The following EPB41 variants were observed in gnomAD, a reference collection of about 807,000 sequenced individuals.
EPB41 encodes erythrocyte membrane protein band 4.1.
EPB41 carries 65 observed loss-of-function variants against 108.0 expected under a neutral mutation model. That is an observed-to-expected ratio of 0.60 (90% CI 0.49 to 0.74). EPB41 has a LOEUF of 0.74. EPB41 is among the 30% of genes least tolerant of loss of function. EPB41 has a pLI of 0.00. For synonymous variants in EPB41, 336 were observed against 358.9 expected, an observed-to-expected ratio of 0.94 and a Z score of 0.72; for missense variants, 875 against 1,037.0, an observed-to-expected ratio of 0.84 and a Z score of 2.15.
intron 2 of EPB41, among the ~76,000 whole-genome samples, chr1:28,992,643 C>T (rs1027761142): frequency 1.3e-5 from 2 of 152,234 alleles, no homozygotes; most frequent in East Asian, 3.9e-4. Context: ...AAGCCGAGAT[C>T]GCGCCACTGC....
intron 9 of EPB41, among the ~76,000 whole-genome samples, chr1:29,035,216 C>T (rs559581347): frequency 6.6e-6 from 1 of 152,090 alleles, no homozygotes; most frequent in African/African-American, 2.4e-5. Context: ...AACTCCTGAC[C>T]TTGTGATCTG....
chr1:29,067,415 A>C (rs866254938), intron 16 of EPB41, among the ~76,000 whole-genome samples: 2 of 143,908 alleles, frequency 1.4e-5, no homozygotes, highest in African/African-American at 5.1e-5. Context: ...AGAATGGCGT[A>C]AACCTGGGAG....
At chr1:28,912,318 C>T (rs894918620), upstream of EPB41, among the ~76,000 whole-genome samples, 5 of 152,024 alleles carry the variant, frequency 3.3e-5, no homozygotes, top group Non-Finnish European at 7.4e-5. Context: ...AGGGTAAGTG[C>T]TATGAAGCAA....
At chr1:28,987,959 A>G in intron 2 of EPB41, 54 bp downstream of exon 2, 1 of 1,577,492 alleles carries the variant, frequency 6.3e-7, no homozygotes, top group Non-Finnish European at 8.7e-7. Context: ...TATACACTTT[A>G]TTTTTCATTT....
intron 15 of EPB41, among the ~76,000 whole-genome samples, chr1:29,063,417 C>T (rs1646863344): frequency 6.6e-6 from 1 of 152,162 alleles, no homozygotes; most frequent in South Asian, 2.1e-4. Flanking sequence ...ATACATGGTT[C>T]AGTCTTGCAA....
At chr1:28,926,658 T>C (rs1310734015) in intron 1 of EPB41, among the ~76,000 whole-genome samples, 1 of 152,218 alleles carries the variant, frequency 6.6e-6, no homozygotes, top group African/African-American at 2.4e-5. Context: ...TTGCAGATAA[T>C]CTATAGAATA....
intron 1 of EPB41, among the ~76,000 whole-genome samples, chr1:28,936,248 A>G (rs1389191566): frequency 2.0e-5 from 3 of 152,148 alleles, no homozygotes; most frequent in Non-Finnish European, 1.5e-5. Flanking sequence ...CATTTGGCCT[A>G]TTTCTTCAGT....
chr1:28,903,878 G>GT (rs2091534312), intron 1 of EPB41, among the ~76,000 whole-genome samples: 1 of 151,262 alleles, frequency 6.6e-6, no homozygotes, highest in Non-Finnish European at 1.5e-5. Flanking sequence ...TTGTTTGTTT[G>GT]TTTTTTGAGA....
chr1:28,979,107 T>C (rs1428870256), intron 1 of EPB41, among the ~76,000 whole-genome samples: 7 of 151,518 alleles, frequency 4.6e-5, no homozygotes, highest in Non-Finnish European at 1.0e-4. Flanking sequence ...TTCCTTTTAC[T>C]TGCAACACAA....
intron 14 of EPB41, 88 bp downstream of exon 14, chr1:29,058,940 T>C: frequency 8.5e-7 from 1 of 1,181,600 alleles, no homozygotes. Context: ...ATCCATTCTT[T>C]TCATTGATTT....
chr1:28,919,643 C>T (rs564663422), intron 1 of EPB41, among the ~76,000 whole-genome samples: 9 of 151,888 alleles, frequency 5.9e-5, no homozygotes, highest in African/African-American at 1.9e-4. Flanking sequence ...TTGGTAGAAA[C>T]GGGGTTTCAC....
chr1:28,919,556 C>G (rs897261218), intron 1 of EPB41, among the ~76,000 whole-genome samples: 1 of 151,928 alleles, frequency 6.6e-6, no homozygotes, highest in East Asian at 1.9e-4. Flanking sequence ...CTCTGCCTCC[C>G]GGGTTCAAGC....
chr1:28,987,337 A>G, intron 1 of EPB41, 94 bp from the exon 2 acceptor site: 1 of 1,028,186 alleles, frequency 9.7e-7, no homozygotes, highest in Non-Finnish European at 1.5e-6. Flanking sequence ...GCAATTAAAT[A>G]CCTAAGTATA....
intron 16 of EPB41, among the ~76,000 whole-genome samples, chr1:29,083,785 C>G (rs752186459): frequency 7.9e-4 from 120 of 152,006 alleles, no homozygotes; most frequent in Non-Finnish European, 1.2e-3. Flanking sequence ...GAGGTTTTCC[C>G]CTAGGCACTT....
intron 1 of EPB41, among the ~76,000 whole-genome samples, chr1:28,892,093 CAA>C (rs748788169): frequency 8.6e-5 from 6 of 69,810 alleles, no homozygotes; most frequent in Middle Eastern, 0.011. Context: ...GACTGCATCT[CAA>C]AAAAAAAAAA....
At chr1:29,114,635 CTA>C (rs1491127806) in intron 19 of EPB41, among the ~76,000 whole-genome samples, 3 of 50,472 alleles carry the variant, frequency 5.9e-5, no homozygotes, top group African/African-American at 7.9e-5. Context: ...GAGACTCCGT[CTA>C]AAAAAAAAAA....
intron 20 of EPB41, among the ~76,000 whole-genome samples, chr1:29,116,007 G>A (rs1199783192): frequency 6.6e-6 from 1 of 152,150 alleles, no homozygotes; most frequent in South Asian, 2.1e-4. Context: ...AGCAGTGCCA[G>A]CATTATTGGG....
chr1:29,070,224 TA>T, intron 16 of EPB41: 2 of 688,956 alleles, frequency 2.9e-6, no homozygotes, highest in Non-Finnish European at 4.1e-6. Flanking sequence ...ATTGCCAAAA[TA>T]AAGTAAAGCT....
At chr1:28,944,264 G>T (rs1401667950) in intron 1 of EPB41, among the ~76,000 whole-genome samples, 4 of 151,784 alleles carry the variant, frequency 2.6e-5, no homozygotes, top group African/African-American at 7.3e-5. Flanking sequence ...ATGTTAATTG[G>T]TTAAAAAAAA....
Sources: allele counts gnomAD v4.1 joint callset (sites outside exome capture counted in the v4.1 genomes callset), GRCh38; gene constraint gnomAD v4.1.1; transcripts MANE v1.5; gene names NCBI Gene and HGNC (gene_info 2026-07-23, HGNC 2026-07-21).